The following BTAF1 variants were observed in gnomAD, a reference collection of about 807,000 sequenced individuals.
BTAF1 encodes the protein B-TFIID TATA-box binding protein associated factor 1, also known as TATA-binding protein-associated factor 172.
In BTAF1, 38 loss-of-function variants were observed where a neutral mutation model predicts 227.1. That is an observed-to-expected ratio of 0.17 (90% CI 0.13 to 0.22). BTAF1 has a LOEUF of 0.22. Among genes scored for constraint, BTAF1 ranks in the 10% least tolerant of loss-of-function variants. The pLI is 1.00. For missense variants in BTAF1, 1,598 were observed against 2,204.0 expected (o/e 0.73, Z 5.51); for synonymous variants, 742 against 751.9 (o/e 0.99, Z 0.21).
At chr10:91,956,452 AT>A in intron 6 of BTAF1, 75 bp from the exon 7 acceptor site, 1 of 1,412,124 alleles carries the variant, frequency 7.1e-7, no homozygotes, top group Non-Finnish European at 9.5e-7. Flanking sequence ...GATTCACATT[AT>A]CTTTTATTCA....
chr10:91,983,302 A>G (rs1453948842), intron 18 of BTAF1, among the ~76,000 whole-genome samples: 1 of 152,224 alleles, frequency 6.6e-6, no homozygotes, highest in African/African-American at 2.4e-5. Context: ...ATTTTGTATA[A>G]GACATACTTC....
At chr10:92,001,876 G>T (rs1429618039) in intron 25 of BTAF1, among the ~76,000 whole-genome samples, 1 of 149,576 alleles carries the variant, frequency 6.7e-6, no homozygotes, top group African/African-American at 2.5e-5. Flanking sequence ...ACTTTGGGAG[G>T]CCAAGGCAGG....
At chr10:91,953,672 G>T in intron 5 of BTAF1, 65 bp from the exon 6 acceptor site, 3 of 1,544,156 alleles carry the variant, frequency 1.9e-6, no homozygotes, top group Non-Finnish European at 2.6e-6. Flanking sequence ...TTCTTCTGAG[G>T]CTGAGACTAT....
intron 20 of BTAF1, among the ~76,000 whole-genome samples, chr10:91,990,866 G>T (rs930810934): frequency 7.9e-5 from 12 of 152,084 alleles, no homozygotes; most frequent in Admixed American, 7.2e-4. Flanking sequence ...CAGCACTTTA[G>T]GAGGTCGAGG....
At chr10:91,996,290 C>A in intron 23 of BTAF1, 79 bp from the exon 24 acceptor site, 2 of 1,275,088 alleles carry the variant, frequency 1.6e-6, no homozygotes, top group South Asian at 1.4e-5. Flanking sequence ...TGAAAACTTT[C>A]CTGAGTATGG....
At chr10:91,939,913 T>TA (rs1266512835) in intron 2 of BTAF1, 39 bp from the exon 3 acceptor site, 12 of 1,410,846 alleles carry the variant, frequency 8.5e-6, no homozygotes, top group Non-Finnish European at 1.1e-5. Context: ...GCGCAAACAA[T>TA]ATTTTTGTAT....
intron 35 of BTAF1, among the ~76,000 whole-genome samples, chr10:92,026,079 A>T (rs1423313320): frequency 6.6e-6 from 1 of 152,242 alleles, no homozygotes; most frequent in African/African-American, 2.4e-5. Flanking sequence ...CTTGACTTGT[A>T]GTAAGGATAA....
chr10:91,953,953 C>G, intron 6 of BTAF1, 80 bp downstream of exon 6: 1 of 1,536,420 alleles, frequency 6.5e-7, no homozygotes, highest in Non-Finnish European at 8.8e-7. Flanking sequence ...TTTATAGAAA[C>G]ATTCTGCTGA....
At chr10:91,988,504 C>T (rs1564697512) in intron 19 of BTAF1, among the ~76,000 whole-genome samples, 2 of 152,212 alleles carry the variant, frequency 1.3e-5, no homozygotes, top group African/African-American at 4.8e-5. Flanking sequence ...AACAGTCTTT[C>T]AATGGGGCTT....
At chr10:91,950,213 C>G (rs1302047856) in intron 4 of BTAF1, among the ~76,000 whole-genome samples, 1 of 150,680 alleles carries the variant, frequency 6.6e-6, no homozygotes, top group African/African-American at 2.4e-5. Flanking sequence ...ATTTCATGTA[C>G]TGGCTCTATC....
rs558180881 is a variant in BTAF1, at chr10:92,015,256, A to G, written c.4585-1084A>G. On this transcript the variant is annotated intron_variant, in intron 32 of 37. Transcript: ENST00000265990. ...AAACTGTTCCTTGTCTTAGTAAGACATGGCCTCTGGGTCAGAATTTTCTCT... is the reference window on the plus strand; with the variant it reads ...AAACTGTTCCTTGTCTTAGTAAGACGTGGCCTCTGGGTCAGAATTTTCTCT... Among the ~76,000 whole-genome samples the G allele has an allele frequency of 2.6e-5, 4 of 152,352 alleles. No individual in the cohort carries two copies. In the South Asian group the frequency reaches 8.3e-4, roughly 32 times the overall value.
chr10:91,947,735 C>CAAAAAAAAA (rs34292341), intron 4 of BTAF1, among the ~76,000 whole-genome samples: 3 of 107,388 alleles, frequency 2.8e-5, no homozygotes, highest in Admixed American at 1.1e-4. Context: ...TCAATGTTTG[C>CAAAAAAAAA]AAAAAAAAAA....
rs1851874444 is a variant in BTAF1, at chr10:92,031,170, A to T, written c.*2237A>T. Among the ~76,000 whole-genome samples the T allele has an allele frequency of 6.6e-6, 1 of 152,196 alleles. No homozygotes were observed. The highest frequency in any genetic ancestry group is 1.5e-5 in the Non-Finnish European group (1 of 68,026). Reference sequence around the variant, plus strand: ...AAATAGCAAACTGTTAAAAATATAGATTCAGAGATTATTAGTCTTATCATT... The same window carrying T: ...AAATAGCAAACTGTTAAAAATATAGTTTCAGAGATTATTAGTCTTATCATT... On this transcript the variant is annotated 3_prime_UTR_variant, in exon 38 of 38. Transcript: ENST00000265990.
At position 92,015,019 on chromosome 10, in the gene BTAF1, A is replaced by G. The variant is rs79232081; in HGVS notation, c.4584+990A>G. On this transcript the variant is annotated intron_variant, in intron 32 of 37. Coordinates refer to ENST00000265990, the MANE Select transcript of BTAF1 (RefSeq NM_003972.3). ...TATATGTAGTCCATTGTTGACCTCAATGTCCTTGTGCAGTGCATGACTATG... is the reference window on the plus strand; with the variant it reads ...TATATGTAGTCCATTGTTGACCTCAGTGTCCTTGTGCAGTGCATGACTATG... Among the ~76,000 whole-genome samples the G allele has an allele frequency of 3.5e-3, 531 of 152,344 alleles. 1 individual carries two copies. Among genetic ancestry groups the G allele is most frequent in the African/African-American group, 0.012 (495 of 41,596 alleles).
chr10:91,925,949 T>C (rs1843797946), intron 1 of BTAF1, among the ~76,000 whole-genome samples: 1 of 152,236 alleles, frequency 6.6e-6, no homozygotes, highest in Non-Finnish European at 1.5e-5. Context: ...TCTCGTTCAC[T>C]TTTTTAAAAG....
chr10:92,013,326 T>C (rs551057668), intron 30 of BTAF1, among the ~76,000 whole-genome samples: 26 of 152,326 alleles, frequency 1.7e-4, no homozygotes, highest in Admixed American at 1.4e-3. Flanking sequence ...TTGGCCACAT[T>C]CCTTAAATCT....
chr10:91,933,110 C>T (rs1023119422), intron 1 of BTAF1, among the ~76,000 whole-genome samples: 3 of 152,178 alleles, frequency 2.0e-5, no homozygotes, highest in East Asian at 1.9e-4. Flanking sequence ...GGGTGAGCCA[C>T]TGTAACCCTA....
intron 1 of BTAF1, among the ~76,000 whole-genome samples, chr10:91,927,755 T>C (rs1843955203): frequency 6.6e-6 from 1 of 152,220 alleles, no homozygotes; most frequent in African/African-American, 2.4e-5. Context: ...CAAGAAACAC[T>C]GAAAGCCTGT....
chr10:92,011,980 C>T (rs1030795898), intron 30 of BTAF1, among the ~76,000 whole-genome samples: 7 of 151,684 alleles, frequency 4.6e-5, no homozygotes, highest in Non-Finnish European at 1.0e-4. Context: ...GAATCATTCT[C>T]AGTAGAGAAG....
Sources: gnomAD v4.1 joint callset for allele counts (sites outside exome capture counted in the v4.1 genomes callset) on GRCh38, gnomAD v4.1.1 for gene constraint, MANE v1.5 for transcripts, NCBI Gene and HGNC (gene_info 2026-07-23, HGNC 2026-07-21) for gene names.